The following HRH1 variants were observed in gnomAD, a reference collection of about 807,000 sequenced individuals.
HRH1 encodes histamine receptor H1.
Under a neutral mutation model 10.3 loss-of-function variants are expected in HRH1, and 6 were observed. That is an observed-to-expected ratio of 0.58 (90% CI 0.32 to 1.15). The LOEUF is 1.15. Among genes scored for constraint, HRH1 ranks in the 50% most tolerant of loss-of-function variants. The pLI is 0.05. For missense variants in HRH1, 514 were observed against 615.3 expected, an observed-to-expected ratio of 0.84 and a Z score of 1.74; for synonymous variants, 242 against 236.7, an observed-to-expected ratio of 1.02 and a Z score of -0.21.
At chr3:11,224,699 CAAAA>C (rs60472027) in intron 1 of HRH1, among the ~76,000 whole-genome samples, 3 of 100,524 alleles carry the variant, frequency 3.0e-5, no homozygotes, top group Admixed American at 1.8e-4. Flanking sequence ...GACTCCATCT[CAAAA>C]AAAAAAAAAA....
intron 1 of HRH1, among the ~76,000 whole-genome samples, chr3:11,240,816 C>G (rs1461936846): frequency 6.6e-6 from 1 of 152,210 alleles, no homozygotes; most frequent in African/African-American, 2.4e-5. Flanking sequence ...AGTACTGGAG[C>G]ACCCTCATGC....
chr3:11,139,672 G>A (rs1191961198), intron 1 of HRH1, among the ~76,000 whole-genome samples: 1 of 151,998 alleles, frequency 6.6e-6, no homozygotes, highest in African/African-American at 2.4e-5. Context: ...CGATATTATC[G>A]AGCCATAAAA....
chr3:11,192,145 T>C (rs746580438), intron 1 of HRH1, among the ~76,000 whole-genome samples: 14 of 152,196 alleles, frequency 9.2e-5, no homozygotes, highest in Non-Finnish European at 1.8e-4. Flanking sequence ...TTTATTGAAC[T>C]ATAATATACA....
chr3:11,175,995 C>A (rs1434809195), intron 1 of HRH1, among the ~76,000 whole-genome samples: 2 of 149,208 alleles, frequency 1.3e-5, no homozygotes, highest in South Asian at 2.1e-4. Context: ...CCTGTCTCTC[C>A]AAAAAAAAAT....
chr3:11,234,644 T>A (rs539707366), intron 1 of HRH1: 44 of 1,363,584 alleles, frequency 3.2e-5, no homozygotes, highest in Non-Finnish European at 4.4e-5. Flanking sequence ...GTTATAAATA[T>A]GATTCGATCC....
intron 1 of HRH1, among the ~76,000 whole-genome samples, chr3:11,207,179 G>T (rs925048113): frequency 6.6e-6 from 1 of 151,978 alleles, no homozygotes. Flanking sequence ...AGGGGAAGGC[G>T]GGAAAGGTAG....
At chr3:11,215,695 C>T (rs1392281257) in intron 1 of HRH1, among the ~76,000 whole-genome samples, 1 of 152,224 alleles carries the variant, frequency 6.6e-6, no homozygotes, top group Non-Finnish European at 1.5e-5. Context: ...CCCGCCTCGG[C>T]CTCTCAGAGT....
intron 1 of HRH1, among the ~76,000 whole-genome samples, chr3:11,253,603 C>T (rs376015405): frequency 2.6e-5 from 4 of 152,170 alleles, no homozygotes; most frequent in Admixed American, 6.5e-5. Context: ...ATTTTGGGTG[C>T]GGGGCACTAA....
At position 11,260,012 on chromosome 3, in the gene HRH1, C is replaced by A; in HGVS notation, c.975C>A (p.Asn325Lys). 1.2e-6 allele frequency: 2 copies of A among 1,614,132 alleles called. No homozygotes were observed. The highest frequency in any genetic ancestry group is 1.7e-6 in the Non-Finnish European group (2 of 1,180,018). The change falls in exon 2 of 2, where the codon AAC (asparagine) becomes AAA (lysine). Residue 325 changes from asparagine to lysine, a missense_variant. Physicochemically the swap from Asn to Lys is moderately conservative, Grantham distance 94 (BLOSUM62 0). Transcript: ENST00000431010. ...EGSSRDYVAV[N>K]RSHGQLKTDE... ...GTAGCAGGGACTATGTAGCCGTCAA[C>A]CGGAGCCATGGCCAGCTCAAGACAG...
intron 1 of HRH1, among the ~76,000 whole-genome samples, chr3:11,232,719 G>C (rs750855493): frequency 5.3e-4 from 80 of 152,190 alleles, no homozygotes; most frequent in Non-Finnish European, 3.4e-4. Flanking sequence ...ACGTTAATTT[G>C]GGAAGAATTG....
intron 1 of HRH1, among the ~76,000 whole-genome samples, chr3:11,190,290 T>C (rs1197022434): frequency 6.6e-6 from 1 of 151,892 alleles, no homozygotes; most frequent in Non-Finnish European, 1.5e-5. Flanking sequence ...GGCGGGAGGA[T>C]TGTTTGAACC....
intron 1 of HRH1, among the ~76,000 whole-genome samples, chr3:11,205,730 C>T (rs778437269): frequency 2.0e-5 from 3 of 151,220 alleles, no homozygotes; most frequent in Non-Finnish European, 2.9e-5. Context: ...GGCACTATCT[C>T]GGCTCACTGT....
At chr3:11,148,020 A>C (rs1444536651) in intron 1 of HRH1, among the ~76,000 whole-genome samples, 1 of 152,032 alleles carries the variant, frequency 6.6e-6, no homozygotes, top group Middle Eastern at 3.2e-3. Flanking sequence ...TCTCTACTAA[A>C]AATACAAAAA....
intron 1 of HRH1, among the ~76,000 whole-genome samples, chr3:11,174,858 A>G (rs925774928): frequency 6.6e-6 from 1 of 152,142 alleles, no homozygotes; most frequent in African/African-American, 2.4e-5. Context: ...GCTGGAAGCC[A>G]TTGTGGGGTC....
At chr3:11,173,990 T>C (rs1410863329) in intron 1 of HRH1, among the ~76,000 whole-genome samples, 1 of 152,078 alleles carries the variant, frequency 6.6e-6, no homozygotes, top group African/African-American at 2.4e-5. Flanking sequence ...GGGTGAGGAG[T>C]AGGGCTTGAA....
intron 1 of HRH1, among the ~76,000 whole-genome samples, chr3:11,162,478 TGAAAA>T (rs1213655395): frequency 6.5e-5 from 7 of 108,416 alleles, no homozygotes; most frequent in Middle Eastern, 5.1e-3. Flanking sequence ...TGATGACTGA[TGAAAA>T]GAAGTACTGT....
chr3:11,190,002 TG>T (rs1383609604), intron 1 of HRH1, among the ~76,000 whole-genome samples: 1 of 151,678 alleles, frequency 6.6e-6, no homozygotes, highest in Non-Finnish European at 1.5e-5. Context: ...ATGCAGGAAA[TG>T]TGGAGGAGAG....
intron 1 of HRH1, among the ~76,000 whole-genome samples, chr3:11,144,477 A>ACGTCTATAGGTATATATACCTATAGACG (rs1471746216): frequency 4.7e-5 from 7 of 149,046 alleles, no homozygotes; most frequent in Non-Finnish European, 7.5e-5. Flanking sequence ...ATATAGACAT[A>ACGTCTATAGGTATATATACCTATAGACG]TATATACACA....
chr3:11,158,022 AGAAGGTATTCAT>A (rs1936849400), intron 1 of HRH1, among the ~76,000 whole-genome samples: 1 of 152,274 alleles, frequency 6.6e-6, no homozygotes, highest in South Asian at 2.1e-4. Flanking sequence ...CCTAGCACGT[AGAAGGTATTCAT>A]GAATGTCTAC....
Sources: allele counts gnomAD v4.1 joint callset (sites outside exome capture counted in the v4.1 genomes callset), GRCh38; gene constraint gnomAD v4.1.1; transcripts MANE v1.5; gene names NCBI Gene and HGNC (gene_info 2026-07-23, HGNC 2026-07-21).